SOBP: variants seen among roughly 807,000 people sequenced by gnomAD.
SOBP encodes sine oculis-binding protein homolog.
SOBP carries 4 observed loss-of-function variants against 53.6 expected under a neutral mutation model. The observed-to-expected ratio is 0.07, with a 90% confidence interval of 0.04 to 0.17. The LOEUF is 0.17. Ranked by LOEUF, SOBP falls within the 10% of genes least tolerant of loss-of-function variation. SOBP has a pLI of 1.00. For missense variants in SOBP, 1,088 were observed against 1,204.7 expected (o/e 0.90, Z 1.43); for synonymous variants, 584 against 522.6 (o/e 1.12, Z -1.60).
Position 107,570,441 on chromosome 6 carries a change from C to G in SOBP, c.574-16639C>G, listed in dbSNP as rs1346800966. ...AAAATTGAATCACCACCTTCCTTGG[C>G]TTTACTGAAAACTTGATGTTTATTT... On this transcript the variant is annotated intron_variant, in intron 4 of 6. Transcript: ENST00000317357. 1.3e-5 allele frequency among the ~76,000 whole-genome samples: 2 copies of G among 152,212 alleles called. 1 individual carries two copies. The highest frequency in any genetic ancestry group is 2.9e-5 in the Non-Finnish European group (2 of 68,032).
intron 5 of SOBP, among the ~76,000 whole-genome samples, chr6:107,608,473 AT>A (rs2115097189): frequency 6.6e-6 from 1 of 152,338 alleles, no homozygotes; most frequent in Admixed American, 6.5e-5. Flanking sequence ...CTTAAAAAAA[AT>A]GAAATGAATT....
chr6:107,515,093 A>G (rs1045001745), intron 3 of SOBP: 1 of 152,246 alleles, frequency 6.6e-6, no homozygotes, highest in Admixed American at 6.5e-5. Flanking sequence ...GATGTTATGC[A>G]TAGTGATTAC....
intron 4 of SOBP, among the ~76,000 whole-genome samples, chr6:107,556,262 A>G (rs1483670261): frequency 2.6e-5 from 4 of 152,224 alleles, no homozygotes; most frequent in Admixed American, 1.3e-4. Flanking sequence ...TGTCATGTGT[A>G]AAAAGCAGAA....
intron 3 of SOBP, among the ~76,000 whole-genome samples, chr6:107,515,606 G>A (rs1783294947): frequency 6.6e-6 from 1 of 152,092 alleles, no homozygotes; most frequent in Non-Finnish European, 1.5e-5. Flanking sequence ...AAAATAAGCT[G>A]GGCATGGTGG....
At chr6:107,597,088 TG>T (rs1785972796) in intron 5 of SOBP, among the ~76,000 whole-genome samples, 1 of 152,224 alleles carries the variant, frequency 6.6e-6, no homozygotes, top group Non-Finnish European at 1.5e-5. Flanking sequence ...TGCTGCTATT[TG>T]TTTCTCTGTG....
chr6:107,619,297 A>C (rs1362966368), intron 5 of SOBP, among the ~76,000 whole-genome samples: 1 of 152,230 alleles, frequency 6.6e-6, no homozygotes, highest in African/African-American at 2.4e-5. Context: ...AGCATTTTTC[A>C]AAGTGTTTTC....
chr6:107,634,754 G>A lies in SOBP; in HGVS notation c.1910G>A (p.Gly637Asp). The change falls in exon 6 of 7, where the codon GGC becomes GAC. Residue 637 changes from glycine to aspartate, a missense_variant. By Grantham distance (94) the Gly-to-Asp change is moderately conservative. This residue lies in a region of SOBP where 665 missense variants were observed against 629.7 expected (regional missense o/e 1.06). Transcript: ENST00000317357. The surrounding 1 kb of genome is among the most constrained non-coding windows in gnomAD (Gnocchi z 4.5). Reference protein sequence around the residue: ...AGSPPGPPGAGGQLGFPGVLQ... With the variant: ...AGSPPGPPGADGQLGFPGVLQ... Reference sequence around the variant, plus strand: ...AGCCCCCCGGGCCCCCCGGGCGCGGGCGGCCAGCTCGGCTTCCCAGGCGTG... The same window carrying A: ...AGCCCCCCGGGCCCCCCGGGCGCGGACGGCCAGCTCGGCTTCCCAGGCGTG... 7.5e-7 allele frequency: 1 copy of A among 1,335,662 alleles called. No homozygotes were observed. Among genetic ancestry groups the A allele is most frequent in the Non-Finnish European group, 9.5e-7 (1 of 1,051,446 alleles). 82.7% of individuals were successfully genotyped at this position (1,335,662 alleles called of 1,614,324 possible).
intron 4 of SOBP, among the ~76,000 whole-genome samples, chr6:107,539,063 A>G (rs1382771551): frequency 2.0e-5 from 3 of 152,174 alleles, no homozygotes; most frequent in Non-Finnish European, 4.4e-5. Flanking sequence ...GGGGAGAGGT[A>G]TGTGACCTCA....
intron 4 of SOBP, among the ~76,000 whole-genome samples, chr6:107,538,853 A>G (rs1784075323): frequency 6.6e-6 from 1 of 152,220 alleles, no homozygotes; most frequent in African/African-American, 2.4e-5. Context: ...GGAAAAAGCA[A>G]TCACAGAGGA....
chr6:107,566,063 G>C (rs191302470), intron 4 of SOBP, among the ~76,000 whole-genome samples: 1 of 152,290 alleles, frequency 6.6e-6, no homozygotes, highest in East Asian at 1.9e-4. Flanking sequence ...CCCACCGAAG[G>C]GTGAAAGGCT....
chr6:107,631,730 A>G (rs886278943), intron 5 of SOBP, among the ~76,000 whole-genome samples: 1 of 152,238 alleles, frequency 6.6e-6, no homozygotes, highest in Non-Finnish European at 1.5e-5. Flanking sequence ...CTAAATTGAA[A>G]GAATGCCTTT....
intron 3 of SOBP, among the ~76,000 whole-genome samples, chr6:107,519,053 A>T (rs551375439): frequency 6.6e-6 from 1 of 150,790 alleles, no homozygotes; most frequent in African/African-American, 2.4e-5. Context: ...TAAGGCATAG[A>T]TATACCCCTC....
intron 1 of SOBP, among the ~76,000 whole-genome samples, chr6:107,497,928 T>TA (rs1208906024): frequency 2.0e-5 from 3 of 152,226 alleles, no homozygotes; most frequent in African/African-American, 7.2e-5. Context: ...AGAGTCAAAT[T>TA]ACTTTTTCTA....
At chr6:107,643,140 T>C (rs1771402160) in intron 6 of SOBP, among the ~76,000 whole-genome samples, 1 of 152,228 alleles carries the variant, frequency 6.6e-6, no homozygotes, top group African/African-American at 2.4e-5. Flanking sequence ...TCAACTCTTG[T>C]TTTAGAAATT....
chr6:107,564,060 CAA>C (rs926300723), intron 4 of SOBP, among the ~76,000 whole-genome samples: 9 of 152,200 alleles, frequency 5.9e-5, no homozygotes, highest in South Asian at 2.1e-4. Flanking sequence ...TTATATAAGA[CAA>C]AGAGAAATGG....
intron 3 of SOBP, among the ~76,000 whole-genome samples, chr6:107,530,782 A>G (rs1363581655): frequency 6.6e-6 from 1 of 152,248 alleles, no homozygotes; most frequent in Non-Finnish European, 1.5e-5. Context: ...CCATCATTCT[A>G]GAAGTTTTTC....
At chr6:107,516,007 A>T (rs1434174242) in intron 3 of SOBP, among the ~76,000 whole-genome samples, 1 of 152,204 alleles carries the variant, frequency 6.6e-6, no homozygotes, top group African/African-American at 2.4e-5. Flanking sequence ...TTTTGATAAA[A>T]TTTAGCACTA....
At chr6:107,552,182 G>A (rs140113115) in intron 4 of SOBP, among the ~76,000 whole-genome samples, 225 of 152,288 alleles carry the variant, frequency 1.5e-3, no homozygotes, top group Middle Eastern at 3.4e-3. Flanking sequence ...CCTTAACTCT[G>A]CAATTTCACC....
intron 4 of SOBP, among the ~76,000 whole-genome samples, chr6:107,535,894 C>T (rs1324870484): frequency 2.6e-5 from 4 of 152,068 alleles, no homozygotes; most frequent in African/African-American, 4.8e-5. Flanking sequence ...CTGGGTGTTC[C>T]GTACTGAAGA....
Sources: gnomAD v4.1 joint callset for allele counts (sites outside exome capture counted in the v4.1 genomes callset) on GRCh38, gnomAD v4.1.1 for gene constraint, gnomAD v4.1.1 regional missense constraint, Gnocchi (gnomAD v3.1) non-coding constraint, MANE v1.5 for transcripts, NCBI Gene and HGNC (gene_info 2026-07-23, HGNC 2026-07-21) for gene names.